Variants in KCNK13 observed in about 807,000 individuals in gnomAD.
KCNK13 encodes the protein potassium two pore domain channel subfamily K member 13.
In KCNK13, 12 loss-of-function variants were observed where a neutral mutation model predicts 23.4. The ratio of observed to expected loss-of-function variants is 0.51; its 90% confidence interval spans 0.33 to 0.83. The LOEUF is 0.83. Ranked by LOEUF, KCNK13 falls within the 40% of genes least tolerant of loss-of-function variation. KCNK13 has a pLI of 0.02. For synonymous variants in KCNK13, 231 were observed against 229.5 expected, an observed-to-expected ratio of 1.01 and a Z score of -0.06; for missense variants, 463 against 556.3, an observed-to-expected ratio of 0.83 and a Z score of 1.69.
chr14:90,101,946 C>T (rs1107099), intron 1 of KCNK13, among the ~76,000 whole-genome samples: 71,182 of 150,928 alleles, frequency 0.47, 17,201 homozygotes, highest in South Asian at 0.64. Flanking sequence ...TGCAATGGCG[C>T]GAACTTGGCT....
At chr14:90,088,426 G>A (rs945429201) in intron 1 of KCNK13, among the ~76,000 whole-genome samples, 1 of 152,192 alleles carries the variant, frequency 6.6e-6, no homozygotes, top group Admixed American at 6.5e-5. Context: ...AGCCATAAAA[G>A]TGAAGTTCCC....
At chr14:90,100,715 G>A (rs868832599) in intron 1 of KCNK13, among the ~76,000 whole-genome samples, 1 of 152,028 alleles carries the variant, frequency 6.6e-6, no homozygotes, top group Non-Finnish European at 1.5e-5. Flanking sequence ...TTCTTGGGAC[G>A]GGGCCTTGCT....
chr14:90,140,488 G>C (rs1382012417), intron 1 of KCNK13, among the ~76,000 whole-genome samples: 1 of 152,130 alleles, frequency 6.6e-6, no homozygotes, highest in Non-Finnish European at 1.5e-5. Flanking sequence ...ATTGGTGCAG[G>C]GCTGGGGACT....
At chr14:90,124,910 A>G (rs1487942201) in intron 1 of KCNK13, among the ~76,000 whole-genome samples, 2 of 152,216 alleles carry the variant, frequency 1.3e-5, no homozygotes, top group Non-Finnish European at 2.9e-5. Flanking sequence ...CAAAATTTGT[A>G]AAAGTAGAAA....
At chr14:90,134,538 GAC>G (rs144795399) in intron 1 of KCNK13, among the ~76,000 whole-genome samples, 9 of 151,894 alleles carry the variant, frequency 5.9e-5, no homozygotes, top group African/African-American at 1.9e-4. Flanking sequence ...GATGTTTGTA[GAC>G]ACACACACAC....
At chr14:90,155,929 T>C (rs12878419) in intron 1 of KCNK13, among the ~76,000 whole-genome samples, 146,972 of 152,240 alleles carry the variant, frequency 0.97, 71,132 homozygotes, top group East Asian at 1. Flanking sequence ...ACAGGCCAGG[T>C]GTGGTGGCTC....
Position 90,168,954 on chromosome 14 carries a change from T to C in KCNK13, c.335-15157T>C, listed in dbSNP as rs148519282. Among the ~76,000 whole-genome samples, 256 of 152,306 alleles carry C rather than the reference T, an allele frequency of 1.7e-3. 1 individual carries two copies. The highest frequency in any genetic ancestry group is 6.0e-3 in the African/African-American group (248 of 41,576). Reference sequence around the variant, plus strand: ...TTTTATAACCTCTGGCCTGCCACCATGTAAGACATGACTTTGCTCCTCATT... The same window carrying C: ...TTTTATAACCTCTGGCCTGCCACCACGTAAGACATGACTTTGCTCCTCATT... On this transcript the variant is annotated intron_variant, in intron 1 of 1. Coordinates refer to ENST00000282146, the MANE Select transcript of KCNK13 (RefSeq NM_022054.4).
At chr14:90,135,529 AC>A (rs1317104994) in intron 1 of KCNK13, among the ~76,000 whole-genome samples, 5 of 152,122 alleles carry the variant, frequency 3.3e-5, no homozygotes, top group African/African-American at 9.7e-5. Flanking sequence ...TCTCGAGAGG[AC>A]CTTTTCTGCC....
At chr14:90,092,740 C>A (rs1889363232) in intron 1 of KCNK13, among the ~76,000 whole-genome samples, 1 of 151,906 alleles carries the variant, frequency 6.6e-6, no homozygotes, top group Non-Finnish European at 1.5e-5. Flanking sequence ...ATAGCAAGAT[C>A]CCATCTCTGC....
chr14:90,097,679 G>A lies in KCNK13; in HGVS notation c.334+35140G>A, dbSNP rs934162779. Among the ~76,000 whole-genome samples, 13 of 152,244 alleles carry A rather than the reference G, an allele frequency of 8.5e-5. No homozygotes were observed. In the South Asian group the frequency reaches 1.7e-3, roughly 19 times the overall value. ...TCAAAGTCCTGTTGAGCTGCAGCAC[G>A]CAGAGGCTCACGCTCCCCAGATATG... On this transcript the variant is annotated intron_variant, in intron 1 of 1. Coordinates refer to ENST00000282146, the MANE Select transcript of KCNK13 (RefSeq NM_022054.4).
intron 1 of KCNK13, among the ~76,000 whole-genome samples, chr14:90,073,661 TTTTTTG>T: frequency 6.6e-6 from 1 of 152,138 alleles, no homozygotes; most frequent in Middle Eastern, 3.4e-3. Context: ...AGTTGTTGTG[TTTTTTG>T]TTTTTGTTTT....
At chr14:90,164,213 G>GTGT (rs1232938166) in intron 1 of KCNK13, among the ~76,000 whole-genome samples, 1 of 152,174 alleles carries the variant, frequency 6.6e-6, no homozygotes, top group African/African-American at 2.4e-5. Context: ...CATCCCATGT[G>GTGT]TGCCACAAAT....
At chr14:90,063,781 A>T (rs1367676042) in intron 1 of KCNK13, among the ~76,000 whole-genome samples, 3 of 152,224 alleles carry the variant, frequency 2.0e-5, no homozygotes, top group African/African-American at 7.2e-5. Flanking sequence ...GATTGGCTTC[A>T]GGTCAGATTC....
At chr14:90,102,368 G>A (rs1889492344) in intron 1 of KCNK13, among the ~76,000 whole-genome samples, 1 of 152,142 alleles carries the variant, frequency 6.6e-6, no homozygotes, top group Non-Finnish European at 1.5e-5. Flanking sequence ...ATCAACTATA[G>A]TATCTTCATT....
Position 90,184,291 on chromosome 14 carries a change from C to T in KCNK13, c.515C>T (p.Pro172Leu). The T allele has an allele frequency of 6.2e-7, 1 of 1,614,252 alleles. No homozygotes were observed. The highest frequency in any genetic ancestry group is 8.5e-7 in the Non-Finnish European group (1 of 1,180,048). Residue 172 changes from proline (P) to leucine (L), a missense_variant, in exon 2 of 2, where the codon CCC becomes CTC. This residue lies in a region of KCNK13 where 144 missense variants were observed against 224.0 expected (regional missense o/e 0.64). Transcript: ENST00000282146. The surrounding 1 kb of genome is among the most constrained non-coding windows in gnomAD (Gnocchi z 5.6). ...QRQLRRRGALPQESLKDAGQC... is the reference protein window; with the variant it reads ...QRQLRRRGALLQESLKDAGQC... Reference sequence around the variant, plus strand: ...CAGCTCCGGAGACGAGGGGCCCTGCCCCAGGAGAGCCTGAAGGATGCGGGG... The same window carrying T: ...CAGCTCCGGAGACGAGGGGCCCTGCTCCAGGAGAGCCTGAAGGATGCGGGG...
intron 1 of KCNK13, among the ~76,000 whole-genome samples, chr14:90,167,179 A>G (rs1890313430): frequency 6.6e-6 from 1 of 152,214 alleles, no homozygotes; most frequent in African/African-American, 2.4e-5. Flanking sequence ...ACAGACTGTC[A>G]TCATGACTGT....
chr14:90,143,773 C>A (rs182090965), intron 1 of KCNK13, among the ~76,000 whole-genome samples: 1 of 152,152 alleles, frequency 6.6e-6, no homozygotes, highest in African/African-American at 2.4e-5. Context: ...GTGCAGAAAA[C>A]AGAAGCGAGG....
At chr14:90,069,981 A>AT (rs767377300) in intron 1 of KCNK13, among the ~76,000 whole-genome samples, 2 of 152,200 alleles carry the variant, frequency 1.3e-5, no homozygotes, top group Non-Finnish European at 2.9e-5. Flanking sequence ...CTGGGAAAGT[A>AT]TAAAAAAAAA....
chr14:90,063,099 A>G (rs1178683738), intron 1 of KCNK13, among the ~76,000 whole-genome samples: 2 of 152,144 alleles, frequency 1.3e-5, no homozygotes, highest in African/African-American at 2.4e-5. Flanking sequence ...ACCAGGAAGA[A>G]CCAGGGAAGT....
Sources: gnomAD v4.1 joint callset for allele counts (sites outside exome capture counted in the v4.1 genomes callset) on GRCh38, gnomAD v4.1.1 for gene constraint, gnomAD v4.1.1 regional missense constraint, Gnocchi (gnomAD v3.1) non-coding constraint, MANE v1.5 for transcripts, NCBI Gene and HGNC (gene_info 2026-07-23, HGNC 2026-07-21) for gene names.